SLC12A1: variants seen among roughly 807,000 people sequenced by gnomAD.
SLC12A1 encodes the protein Na-K-2Cl cotransporter.
Under a neutral mutation model 130.4 loss-of-function variants are expected in SLC12A1, and 89 were observed. The ratio of observed to expected loss-of-function variants is 0.68; its 90% CI spans 0.58 to 0.81. SLC12A1 has a LOEUF of 0.81. Among genes scored for constraint, SLC12A1 ranks in the 40% least tolerant of loss-of-function variants. SLC12A1 has a pLI of 0.00. For missense variants in SLC12A1, 1,310 were observed against 1,336.4 expected (o/e 0.98, Z 0.31); for synonymous variants, 499 against 460.0 (o/e 1.08, Z -1.09).
chr15:48,229,412 C>A, intron 6 of SLC12A1, 84 bp downstream of exon 6: 1 of 1,346,154 alleles, frequency 7.4e-7, no homozygotes, highest in Non-Finnish European at 1.0e-6. Flanking sequence ...GATATCATTA[C>A]AGCTAAATGA....
chr15:48,269,332 A>G lies in SLC12A1; in HGVS notation c.2296-326A>G, dbSNP rs768118398. On this transcript the variant is annotated intron_variant, in intron 18 of 26. Coordinates refer to ENST00000380993, the MANE Select transcript of SLC12A1 (RefSeq NM_000338.3). ...GAGCTTTGAACCACTAAGTTACAAC[A>G]TGCATACCAACAGTTAAGCTGACCC... 2.0e-5 allele frequency among the ~76,000 whole-genome samples: 3 copies of G among 152,344 alleles called. No homozygotes were observed. In the East Asian group the frequency reaches 5.8e-4, roughly 29 times the overall value.
chr15:48,253,406 C>T (rs1346932599), intron 15 of SLC12A1, among the ~76,000 whole-genome samples: 1 of 152,194 alleles, frequency 6.6e-6, no homozygotes, highest in Non-Finnish European at 1.5e-5. Context: ...GTAGCTTTGC[C>T]TTTTCCAAAA....
chr15:48,223,610 T>C (rs960960943), intron 4 of SLC12A1: 1 of 152,218 alleles, frequency 6.6e-6, no homozygotes, highest in African/African-American at 2.4e-5. Context: ...GGAGTAGGTT[T>C]AGTGTTATGA....
intron 20 of SLC12A1, among the ~76,000 whole-genome samples, chr15:48,278,938 T>C (rs1025969358): frequency 1.3e-5 from 2 of 152,202 alleles, no homozygotes; most frequent in African/African-American, 4.8e-5. Context: ...GTGAACTGCA[T>C]CCCCTTTTAA....
At chr15:48,256,437 G>C (rs1368327669) in intron 16 of SLC12A1, among the ~76,000 whole-genome samples, 1 of 152,124 alleles carries the variant, frequency 6.6e-6, no homozygotes, top group African/African-American at 2.4e-5. Context: ...AAAGGACAGG[G>C]GGACTGTATT....
In SLC12A1 at chr15:48,244,784, C is replaced by G. The variant is rs777783484; in HGVS notation, c.1332C>G (p.Asn444Lys). ...GTGTGGTCCGAGATGCCACCGGGAA[C>G]ATGAATGACACCATCATTTCTGGGA... ...GACVVRDATG[N>K]MNDTIISGMN... The change falls in exon 11 of 27, where the codon AAC becomes AAG. Residue 444 changes from asparagine to lysine, a missense_variant. Transcript: ENST00000380993. 2.5e-6 allele frequency: 4 copies of G among 1,613,948 alleles called. No homozygotes were observed. The highest frequency in any genetic ancestry group is 3.4e-6 in the Non-Finnish European group (4 of 1,179,884).
intron 6 of SLC12A1, 143 bp downstream of exon 6, chr15:48,229,471 A>G (rs1048268329): frequency 1.6e-5 from 13 of 810,150 alleles, no homozygotes; most frequent in Non-Finnish European, 2.3e-5. Context: ...TGGCATCAGA[A>G]GATCTGGCTT....
chr15:48,298,241 A>G (rs2042198171), intron 24 of SLC12A1, among the ~76,000 whole-genome samples: 1 of 152,224 alleles, frequency 6.6e-6, no homozygotes, highest in African/African-American at 2.4e-5. Context: ...ATATAAAACC[A>G]AAGAAATTTT....
At position 48,258,144 on chromosome 15, in the gene SLC12A1, G is replaced by C. The variant is rs1432315379; in HGVS notation, c.2043-1056G>C. The stretch of plus-strand genomic sequence containing the variant: ...TGGGAGGCCGAGGCGGGCGGATCAC[G>C]AGGTCAGGAGATCGAGACCATCCCG... On this transcript the variant is annotated intron_variant, in intron 16 of 26. Coordinates refer to ENST00000380993, the MANE Select transcript of SLC12A1 (RefSeq NM_000338.3). Among the ~76,000 whole-genome samples, 2 of 70,982 alleles carry C rather than the reference G, an allele frequency of 2.8e-5. 1 individual carries two copies. Among genetic ancestry groups the C allele is most frequent in the Non-Finnish European group, 4.5e-5 (2 of 44,508 alleles). 46.6% of individuals were successfully genotyped at this position (70,982 alleles called of 152,430 possible).
intron 9 of SLC12A1, chr15:48,236,929 A>G (rs2041446419): frequency 1.6e-6 from 1 of 636,524 alleles, no homozygotes; most frequent in Non-Finnish European, 2.8e-6. Flanking sequence ...AGTTTGTATC[A>G]GATGTATAGC....
At chr15:48,277,036 G>A (rs2041960740) in intron 20 of SLC12A1, among the ~76,000 whole-genome samples, 1 of 152,160 alleles carries the variant, frequency 6.6e-6, no homozygotes, top group Non-Finnish European at 1.5e-5. Context: ...GTTGAGGAGA[G>A]ACTATCAGAT....
At chr15:48,212,067 T>G (rs2041058134) in intron 2 of SLC12A1, among the ~76,000 whole-genome samples, 1 of 152,176 alleles carries the variant, frequency 6.6e-6, no homozygotes, top group Admixed American at 6.5e-5. Flanking sequence ...GCAAGATGCT[T>G]GTGAACATTA....
At position 48,234,945 on chromosome 15, in the gene SLC12A1, AT is replaced by A. The variant is rs779588655; in HGVS notation, c.1163del (p.Phe388SerfsTer40). 1.9e-6 allele frequency: 3 copies of A among 1,613,656 alleles called. No individual in the cohort carries two copies. Among genetic ancestry groups the A allele is most frequent in the Non-Finnish European group, 2.5e-6 (3 of 1,179,752 alleles). The part of the protein sequence containing the change: ...KGEGFFSVFA[I>X]FFPAATGILA... ...TGAAGGCTTCTTCTCTGTCTTTGCC[AT>A]TTTTTTCCCAGCAGCTACTGGGATT... On this transcript the variant is annotated frameshift_variant, in exon 9 of 27. Coordinates refer to ENST00000380993, the MANE Select transcript of SLC12A1 (RefSeq NM_000338.3). LOFTEE classifies it high-confidence loss of function.
intron 9 of SLC12A1, among the ~76,000 whole-genome samples, chr15:48,240,914 C>T (rs1184391666): frequency 6.6e-6 from 1 of 151,976 alleles, no homozygotes; most frequent in African/African-American, 2.4e-5. Context: ...AGAGAAAAGC[C>T]CATTTTCTGG....
intron 20 of SLC12A1, among the ~76,000 whole-genome samples, chr15:48,281,074 A>T (rs1392816272): frequency 6.6e-6 from 1 of 152,206 alleles, no homozygotes; most frequent in Non-Finnish European, 1.5e-5. Flanking sequence ...GGATAACATG[A>T]GGTCCAAGCA....
intron 5 of SLC12A1, chr15:48,227,218 T>A: frequency 8.1e-7 from 1 of 1,228,886 alleles, no homozygotes; most frequent in Non-Finnish European, 1.2e-6. Flanking sequence ...TGGTTACTAG[T>A]AATGTCTGGA....
chr15:48,226,998 A>T, intron 5 of SLC12A1: 1 of 869,000 alleles, frequency 1.2e-6, no homozygotes, highest in South Asian at 1.6e-5. Flanking sequence ...TTCTGTGACA[A>T]GATTCAGACT....
In SLC12A1 at chr15:48,267,814, T is replaced by G. The variant is rs529859672; in HGVS notation, c.2295+113T>G. On this transcript the variant is annotated intron_variant, in intron 18 of 26. Transcript: ENST00000380993. ...TAGGCAGCCAAGCATCAGAGATCAG[T>G]GCAGATGGTTAAGGGATTATTTTGA... 2.7e-4 allele frequency: 302 copies of G among 1,113,560 alleles called. 1 individual carries two copies. In the South Asian group the frequency reaches 4.1e-3, roughly 15 times the overall value. 69.0% of individuals were successfully genotyped at this position (1,113,560 alleles called of 1,614,324 possible). A position where few individuals can be genotyped will look rare whatever the true frequency, so the allele number is the denominator to read the frequency against.
chr15:48,256,148 C>T lies in SLC12A1; in HGVS notation c.2042+238C>T, dbSNP rs117761953. ...CCCTCATAGTGCCAGGTGTCACCTT[C>T]CATGCGTGGAGATAGCAAGGTGGAC... On this transcript the variant is annotated intron_variant, in intron 16 of 26. Transcript: ENST00000380993. Among the ~76,000 whole-genome samples, 43 of 152,296 alleles carry T rather than the reference C, an allele frequency of 2.8e-4. No individual in the cohort carries two copies. In the East Asian group the frequency reaches 7.9e-3, roughly 28 times the overall value.
Sources: gnomAD v4.1 joint callset for allele counts (sites outside exome capture counted in the v4.1 genomes callset) on GRCh38, gnomAD v4.1.1 for gene constraint, MANE v1.5 for transcripts, NCBI Gene and HGNC (gene_info 2026-07-23, HGNC 2026-07-21) for gene names.